MAGI2: variants seen among roughly 807,000 people sequenced by gnomAD.
MAGI2 encodes the protein membrane-associated guanylate kinase, WW and PDZ domain-containing protein 2.
In MAGI2, 35 loss-of-function variants were observed where a neutral mutation model predicts 133.3. That is an observed-to-expected ratio of 0.26 (90% CI 0.20 to 0.35). The LOEUF (loss-of-function observed/expected upper bound fraction) is 0.35. Ranked by LOEUF, MAGI2 falls within the 10% of genes least tolerant of loss-of-function variation. MAGI2 has a pLI of 1.00. For missense variants in MAGI2, 1,636 were observed against 1,863.4 expected (o/e 0.88, Z 2.25); for synonymous variants, 729 against 710.6 (o/e 1.03, Z -0.41).
chr7:78,706,001 C>T (rs1818602372), intron 2 of MAGI2, among the ~76,000 whole-genome samples: 1 of 152,016 alleles, frequency 6.6e-6, no homozygotes, highest in Non-Finnish European at 1.5e-5. Flanking sequence ...GGAAACTTAC[C>T]ATAGAGTAGC....
intron 1 of MAGI2, among the ~76,000 whole-genome samples, chr7:79,204,518 C>A (rs1299162411): frequency 6.6e-6 from 1 of 152,008 alleles, no homozygotes; most frequent in Admixed American, 6.5e-5. Flanking sequence ...ATAAGTACCA[C>A]TTTTTCAAGT....
At chr7:78,537,565 T>C (rs945583859) in intron 3 of MAGI2, among the ~76,000 whole-genome samples, 1 of 152,186 alleles carries the variant, frequency 6.6e-6, no homozygotes, top group Non-Finnish European at 1.5e-5. Flanking sequence ...TGGTATCACA[T>C]TGGGGATCTG....
chr7:79,405,328 T>G (rs747417681), intron 1 of MAGI2, among the ~76,000 whole-genome samples: 1 of 152,158 alleles, frequency 6.6e-6, no homozygotes, highest in African/African-American at 2.4e-5. Flanking sequence ...TTATCATTCA[T>G]AAAGTAAATC....
intron 1 of MAGI2, among the ~76,000 whole-genome samples, chr7:79,047,166 T>C: frequency 6.6e-6 from 1 of 152,186 alleles, no homozygotes; most frequent in Non-Finnish European, 1.5e-5. Context: ...ACAAAGTTAC[T>C]ATATTAGCCA....
At chr7:79,219,748 A>T (rs571850830) in intron 1 of MAGI2, among the ~76,000 whole-genome samples, 56 of 152,166 alleles carry the variant, frequency 3.7e-4, no homozygotes, top group Non-Finnish European at 4.3e-4. Context: ...AGATATTTTT[A>T]CATTTTTCCC....
intron 1 of MAGI2, among the ~76,000 whole-genome samples, chr7:79,043,542 CAA>C (rs58828466): frequency 1.1e-3 from 44 of 40,418 alleles, no homozygotes; most frequent in Non-Finnish European, 1.4e-3. Flanking sequence ...GACTCCATCA[CAA>C]AAAAAAAAAA....
At chr7:78,300,813 A>C (rs1797755689) in intron 9 of MAGI2, among the ~76,000 whole-genome samples, 1 of 152,198 alleles carries the variant, frequency 6.6e-6, no homozygotes, top group South Asian at 2.1e-4. Context: ...TCTTTACTTA[A>C]AACGTATCTA....
intron 5 of MAGI2, among the ~76,000 whole-genome samples, chr7:78,494,783 G>A (rs1275987890): frequency 1.3e-5 from 2 of 151,960 alleles, no homozygotes; most frequent in African/African-American, 2.4e-5. Context: ...CCTTTGCTCC[G>A]TTTTCTCTAA....
At chr7:78,578,169 T>A (rs779083119) in intron 3 of MAGI2, among the ~76,000 whole-genome samples, 4 of 152,106 alleles carry the variant, frequency 2.6e-5, no homozygotes, top group Non-Finnish European at 5.9e-5. Context: ...TATAGGTTAC[T>A]AATCTTTTAT....
intron 1 of MAGI2, among the ~76,000 whole-genome samples, chr7:79,028,210 CAAA>C (rs11293261): frequency 1.3e-4 from 15 of 117,480 alleles, no homozygotes; most frequent in Non-Finnish European, 1.8e-4. Context: ...GACTCCATCT[CAAA>C]AAAATATATA....
intron 2 of MAGI2, among the ~76,000 whole-genome samples, chr7:78,956,147 T>C (rs1054830034): frequency 2.6e-5 from 4 of 151,938 alleles, no homozygotes; most frequent in African/African-American, 9.7e-5. Flanking sequence ...GCCCTGGAGG[T>C]TGAGGAAGAG....
At chr7:78,469,741 G>A (rs1286780317) in intron 6 of MAGI2, among the ~76,000 whole-genome samples, 2 of 152,114 alleles carry the variant, frequency 1.3e-5, no homozygotes, top group African/African-American at 2.4e-5. Context: ...TCTGGGATGA[G>A]ATTCCTGATA....
chr7:78,813,858 A>G (rs246462), intron 2 of MAGI2, among the ~76,000 whole-genome samples: 47,578 of 150,728 alleles, frequency 0.32, 8,196 homozygotes, highest in East Asian at 0.52. Context: ...GAAGGAATAG[A>G]AAGTCACTAC....
chr7:79,379,515 T>C (rs1279037636), intron 1 of MAGI2, among the ~76,000 whole-genome samples: 1 of 151,978 alleles, frequency 6.6e-6, no homozygotes, highest in African/African-American at 2.4e-5. Context: ...TTTCTAGTTC[T>C]AGATCCTTGA....
At chr7:78,255,672 G>A (rs1314399720) in intron 10 of MAGI2, 1 of 577,822 alleles carries the variant, frequency 1.7e-6, no homozygotes, top group East Asian at 3.0e-5. Flanking sequence ...CATAGTTGGG[G>A]ATTTAATCTT....
chr7:79,001,194 C>A (rs535552735), intron 2 of MAGI2, among the ~76,000 whole-genome samples: 8 of 152,136 alleles, frequency 5.3e-5, no homozygotes, highest in Non-Finnish European at 7.4e-5. Flanking sequence ...GGATTACAGG[C>A]GTGAGCCACC....
intron 9 of MAGI2, among the ~76,000 whole-genome samples, chr7:78,296,608 GATAA>G (rs1298027412): frequency 1.3e-5 from 2 of 152,142 alleles, no homozygotes; most frequent in Non-Finnish European, 2.9e-5. Flanking sequence ...GGTACATACA[GATAA>G]ATATTTTTTT....
At chr7:79,090,332 T>C (rs1408003506) in intron 1 of MAGI2, among the ~76,000 whole-genome samples, 1 of 152,078 alleles carries the variant, frequency 6.6e-6, no homozygotes, top group Non-Finnish European at 1.5e-5. Flanking sequence ...TTTTACTTGA[T>C]TTTTATAAAA....
intron 6 of MAGI2, among the ~76,000 whole-genome samples, chr7:78,472,205 A>C (rs1320233770): frequency 4.6e-5 from 7 of 152,098 alleles, no homozygotes; most frequent in Non-Finnish European, 7.4e-5. Context: ...ATTTGCTGTC[A>C]TGTAAAACTT....
Sources: gnomAD v4.1 joint callset for allele counts (sites outside exome capture counted in the v4.1 genomes callset) on GRCh38, gnomAD v4.1.1 for gene constraint, MANE v1.5 for transcripts, NCBI Gene and HGNC (gene_info 2026-07-23, HGNC 2026-07-21) for gene names.